The following MIB1 variants were observed in gnomAD, a reference collection of about 807,000 sequenced individuals.
MIB1 encodes the protein MIB E3 ubiquitin protein ligase 1.
A neutral mutation model predicts 124.5 loss-of-function variants in MIB1; 278 were observed. The ratio of observed to expected loss-of-function variants is 2.23; its 90% confidence interval spans 2.02 to 2.47. The LOEUF is 2.47. MIB1 is among the 30% of genes most tolerant of loss of function. The probability of loss-of-function intolerance (pLI) is 0.00; values close to 1 mark genes in which losing one functional copy is unlikely to be tolerated. For synonymous variants in MIB1, 446 were observed against 429.4 expected, an observed-to-expected ratio of 1.04 and a Z score of -0.48; for missense variants, 957 against 1,254.4, an observed-to-expected ratio of 0.76 and a Z score of 3.58.
chr18:21,804,716 G>C (rs2041685467), intron 10 of MIB1, among the ~76,000 whole-genome samples: 1 of 152,068 alleles, frequency 6.6e-6, no homozygotes, highest in South Asian at 2.1e-4. Context: ...TTTAAATTAG[G>C]CAGAATGTTG....
intron 6 of MIB1, among the ~76,000 whole-genome samples, chr18:21,780,787 A>C (rs1346619265): frequency 1.3e-5 from 2 of 152,160 alleles, no homozygotes; most frequent in Non-Finnish European, 2.9e-5. Flanking sequence ...ATGAACACTT[A>C]GGTTGATTTC....
intron 10 of MIB1, among the ~76,000 whole-genome samples, chr18:21,809,309 T>G (rs555563189): frequency 6.6e-6 from 1 of 152,164 alleles, no homozygotes; most frequent in South Asian, 2.1e-4. Context: ...ACCTTATGGT[T>G]TCAGGGGGGA....
chr18:21,838,086 A>G (rs2042049983), intron 12 of MIB1, among the ~76,000 whole-genome samples: 1 of 152,064 alleles, frequency 6.6e-6, no homozygotes, highest in Admixed American at 6.5e-5. Context: ...CCAGATAGTA[A>G]TAGTGTGTCT....
At chr18:21,793,666 A>G (rs1484717318) in intron 7 of MIB1, among the ~76,000 whole-genome samples, 1 of 151,000 alleles carries the variant, frequency 6.6e-6, no homozygotes, top group African/African-American at 2.4e-5. Context: ...CTGTAATCCC[A>G]GGTACTTGGG....
At chr18:21,824,247 G>A (rs905788545) in intron 12 of MIB1, among the ~76,000 whole-genome samples, 5 of 152,232 alleles carry the variant, frequency 3.3e-5, no homozygotes, top group South Asian at 2.1e-4. Context: ...AATTTCACAG[G>A]CGTTTCTTAT....
intron 1 of MIB1, among the ~76,000 whole-genome samples, chr18:21,757,898 A>G (rs1229010873): frequency 6.6e-6 from 1 of 152,188 alleles, no homozygotes; most frequent in African/African-American, 2.4e-5. Context: ...TGCCCTAGAT[A>G]CGTAATTATT....
At chr18:21,753,030 GC>G (rs2040992305) in intron 1 of MIB1, among the ~76,000 whole-genome samples, 1 of 151,454 alleles carries the variant, frequency 6.6e-6, no homozygotes, top group Non-Finnish European at 1.5e-5. Flanking sequence ...TTTTTTTTCT[GC>G]CCCCTCCCTA....
At chr18:21,728,417 C>T (rs1226694843) in intron 1 of MIB1, among the ~76,000 whole-genome samples, 1 of 151,992 alleles carries the variant, frequency 6.6e-6, no homozygotes, top group Non-Finnish European at 1.5e-5. Flanking sequence ...TGCTTGAACC[C>T]GGGAGGTGGA....
intron 7 of MIB1, chr18:21,794,104 A>G (rs2041545411): frequency 6.6e-6 from 1 of 152,180 alleles, no homozygotes; most frequent in Admixed American, 6.5e-5. Flanking sequence ...TAATGGGATC[A>G]TGCCTGTGAA....
chr18:21,773,524 C>A, intron 3 of MIB1, 100 bp from the exon 4 acceptor site: 1 of 728,602 alleles, frequency 1.4e-6, no homozygotes, highest in Non-Finnish European at 2.3e-6. Context: ...ACACAGGTTG[C>A]TAGATGAAAT....
intron 1 of MIB1, among the ~76,000 whole-genome samples, chr18:21,743,974 A>G (rs116984195): frequency 6.6e-6 from 1 of 151,956 alleles, no homozygotes; most frequent in Non-Finnish European, 1.5e-5. Flanking sequence ...TTAATTTGTT[A>G]TATGTAGTGG....
intron 16 of MIB1, 54 bp downstream of exon 16, chr18:21,847,179 T>C (rs1233099695): frequency 4.1e-6 from 6 of 1,465,156 alleles, no homozygotes; most frequent in Admixed American, 3.6e-5. Flanking sequence ...AAATATCATG[T>C]GGTTTCGTAA....
chr18:21,812,526 A>G (rs2041785998), intron 10 of MIB1: 2 of 152,296 alleles, frequency 1.3e-5, no homozygotes, highest in East Asian at 3.9e-4. Context: ...GAGAATAGAT[A>G]TGAGCATAAA....
Position 21,860,054 on chromosome 18 carries a change from G to A in MIB1, c.2880+1408G>A, listed in dbSNP as rs116275816. ...GAGGGGCTTCAAAAATAAGAGTAAC[G>A]TTCCATACTTTAACCTGGGTGTTGG... On this transcript the variant is annotated intron_variant, in intron 20 of 20. Transcript: ENST00000261537. Among the ~76,000 whole-genome samples the A allele has an allele frequency of 9.0e-3, 1,258 of 140,150 alleles. 19 individuals carry two copies. The highest frequency in any genetic ancestry group is 0.031 in the African/African-American group (1,177 of 37,414). The allele number at this position is 140,150 out of a possible 152,430, so 91.9% of individuals were successfully genotyped here.
At chr18:21,858,073 C>G (rs2042243884) in intron 19 of MIB1, among the ~76,000 whole-genome samples, 1 of 152,116 alleles carries the variant, frequency 6.6e-6, no homozygotes, top group Non-Finnish European at 1.5e-5. Context: ...TCAGTAATAA[C>G]GAGGAAGTTT....
intron 1 of MIB1, among the ~76,000 whole-genome samples, chr18:21,712,776 G>A (rs2040671413): frequency 6.6e-6 from 1 of 152,142 alleles, no homozygotes; most frequent in African/African-American, 2.4e-5. Context: ...ATGACCCATG[G>A]GAACTGCTAG....
Position 21,868,969 on chromosome 18 carries a change from T to G in MIB1, c.*4303T>G, listed in dbSNP as rs754120683. On this transcript the variant is annotated 3_prime_UTR_variant, in exon 21 of 21. Coordinates refer to ENST00000261537, the MANE Select transcript of MIB1 (RefSeq NM_020774.4). Reference sequence around the variant, plus strand: ...GAATTAAAATTGTAAATTGCTACATTGGCATTTTCTACCTCCTTTTCTGTC... The same window carrying G: ...GAATTAAAATTGTAAATTGCTACATGGGCATTTTCTACCTCCTTTTCTGTC... 1.3e-5 allele frequency: 2 copies of G among 152,456 alleles called. No homozygotes were observed. The highest frequency in any genetic ancestry group is 2.9e-5 in the Non-Finnish European group (2 of 67,904). The allele number at this position is 152,456 out of a possible 1,614,324, so 9.4% of individuals were successfully genotyped here.
At chr18:21,847,654 C>T (rs895697325) in intron 16 of MIB1, among the ~76,000 whole-genome samples, 1 of 152,112 alleles carries the variant, frequency 6.6e-6, no homozygotes, top group African/African-American at 2.4e-5. Flanking sequence ...ATAGAATCTT[C>T]CTAAGACAGG....
At chr18:21,776,657 T>C (rs2041291418) in intron 4 of MIB1, among the ~76,000 whole-genome samples, 1 of 152,144 alleles carries the variant, frequency 6.6e-6, no homozygotes, top group African/African-American at 2.4e-5. Flanking sequence ...GGAAGGAATG[T>C]TAGTTAACCA....
Sources: gnomAD v4.1 joint callset for allele counts (sites outside exome capture counted in the v4.1 genomes callset) on GRCh38, gnomAD v4.1.1 for gene constraint, MANE v1.5 for transcripts, NCBI Gene and HGNC (gene_info 2026-07-23, HGNC 2026-07-21) for gene names.